Variants in PPFIBP1 observed in about 807,000 individuals in gnomAD.
PPFIBP1 encodes the protein PPFIB scaffold protein 1, also known as liprin-beta-1.
A neutral mutation model predicts 137.8 loss-of-function variants in PPFIBP1; 112 were observed. That is an observed-to-expected ratio of 0.81 (90% CI 0.70 to 0.95). PPFIBP1 has a LOEUF of 0.95. Among genes scored for constraint, PPFIBP1 ranks in the 40% least tolerant of loss-of-function variants. The pLI is 0.00. For missense variants in PPFIBP1, 1,083 were observed against 1,196.6 expected (o/e 0.91, Z 1.40); for synonymous variants, 378 against 417.3 (o/e 0.91, Z 1.15).
intron 2 of PPFIBP1, among the ~76,000 whole-genome samples, chr12:27,612,616 T>C (rs2055261658): frequency 6.6e-6 from 1 of 152,124 alleles, no homozygotes; most frequent in Non-Finnish European, 1.5e-5. Flanking sequence ...CCGAAAGTGC[T>C]GGAATTACAG....
chr12:27,534,861 T>G (rs1255635292), intron 1 of PPFIBP1, among the ~76,000 whole-genome samples: 1 of 152,230 alleles, frequency 6.6e-6, no homozygotes, highest in Non-Finnish European at 1.5e-5. Context: ...AGAAAGATCT[T>G]TAGTTGAAAA....
At chr12:27,580,481 T>G (rs1467909862) in intron 2 of PPFIBP1, among the ~76,000 whole-genome samples, 1 of 152,170 alleles carries the variant, frequency 6.6e-6, no homozygotes, top group Non-Finnish European at 1.5e-5. Context: ...CCCCCAAATC[T>G]GCTGTAACAA....
At chr12:27,552,180 T>C (rs1433511945) in intron 1 of PPFIBP1, among the ~76,000 whole-genome samples, 1 of 152,272 alleles carries the variant, frequency 6.6e-6, no homozygotes, top group Non-Finnish European at 1.5e-5. Flanking sequence ...CTCCGAGTTC[T>C]GTTGTCAATG....
chr12:27,655,852 ACTTC>A (rs1286339994), intron 8 of PPFIBP1, among the ~76,000 whole-genome samples: 13 of 152,336 alleles, frequency 8.5e-5, no homozygotes, highest in African/African-American at 2.6e-4. Flanking sequence ...ATAAAGCTGT[ACTTC>A]TTAGCATTGC....
intron 2 of PPFIBP1, among the ~76,000 whole-genome samples, chr12:27,595,886 A>AATATATAT (rs201970397): frequency 3.9e-5 from 4 of 102,436 alleles, no homozygotes; most frequent in Non-Finnish European, 6.6e-5. Flanking sequence ...ACAACAACAA[A>AATATATAT]ATATATATAT....
In PPFIBP1 at chr12:27,683,821, T is replaced by C. The variant is rs184285305; in HGVS notation, c.2247+1118T>C. Among the ~76,000 whole-genome samples the C allele has an allele frequency of 1.6e-3, 239 of 152,310 alleles. 7 individuals are homozygous for C. In the East Asian group the frequency reaches 0.043, roughly 27 times the overall value. On this transcript the variant is annotated intron_variant, in intron 24 of 29. Transcript: ENST00000228425. ...ATTTTATTTTGAGACGGAGTCTCGC[T>C]CTGTCGCCCAGGCTGGAGTGCAGTG...
At chr12:27,637,035 G>T (rs575464807) in intron 4 of PPFIBP1, 1 of 152,142 alleles carries the variant, frequency 6.6e-6, no homozygotes, top group Non-Finnish European at 1.5e-5. Context: ...GTGAGGCCTT[G>T]TATCACCACC....
chr12:27,680,508 A>C (rs529913383), intron 21 of PPFIBP1, among the ~76,000 whole-genome samples: 2 of 152,266 alleles, frequency 1.3e-5, no homozygotes, highest in Admixed American at 6.5e-5. Flanking sequence ...TCATCATCAT[A>C]ATTAGTACCT....
chr12:27,679,876 T>C, intron 20 of PPFIBP1, 57 bp from the exon 21 acceptor site: 1 of 1,594,062 alleles, frequency 6.3e-7, no homozygotes, highest in Non-Finnish European at 8.6e-7. Flanking sequence ...ATGTTCTGAT[T>C]AACAAGTCTA....
intron 4 of PPFIBP1, among the ~76,000 whole-genome samples, chr12:27,645,254 A>G (rs1409878465): frequency 6.6e-6 from 1 of 152,228 alleles, no homozygotes; most frequent in African/African-American, 2.4e-5. Flanking sequence ...TATGAGAGAC[A>G]CCACTTATGC....
chr12:27,607,197 G>A (rs10771350), intron 2 of PPFIBP1, among the ~76,000 whole-genome samples: 111,412 of 152,154 alleles, frequency 0.73, 41,390 homozygotes, highest in South Asian at 0.87. Flanking sequence ...ACATGCTAAC[G>A]TAACTTACAA....
chr12:27,638,860 G>C (rs1029850401), intron 4 of PPFIBP1, among the ~76,000 whole-genome samples: 1 of 151,820 alleles, frequency 6.6e-6, no homozygotes, highest in African/African-American at 2.4e-5. Flanking sequence ...AATAATAACA[G>C]ACATATAATT....
At chr12:27,568,808 T>C (rs1211576138) in intron 1 of PPFIBP1, among the ~76,000 whole-genome samples, 1 of 152,216 alleles carries the variant, frequency 6.6e-6, no homozygotes, top group Non-Finnish European at 1.5e-5. Flanking sequence ...CCAGGGATTT[T>C]TACTAAACTT....
At chr12:27,672,745 A>C (rs1266363911) in intron 15 of PPFIBP1, among the ~76,000 whole-genome samples, 1 of 152,130 alleles carries the variant, frequency 6.6e-6, no homozygotes, top group Admixed American at 6.6e-5. Flanking sequence ...GCCTTGCTTC[A>C]TCAGTTTTCA....
chr12:27,630,999 A>T (rs1487257326), intron 2 of PPFIBP1, among the ~76,000 whole-genome samples: 1 of 152,194 alleles, frequency 6.6e-6, no homozygotes, highest in African/African-American at 2.4e-5. Context: ...GAGCCCAGGA[A>T]TTCAAGACCA....
In PPFIBP1 at chr12:27,620,007, G is replaced by A. The variant is rs115146766; in HGVS notation, c.-35-13355G>A. 7.1e-3 allele frequency among the ~76,000 whole-genome samples: 1,077 copies of A among 151,752 alleles called. 14 individuals carry two copies. The highest frequency in any genetic ancestry group is 0.025 in the African/African-American group (1,050 of 41,318). ...ATACACGCACATATTTACTATGTGT[G>A]TATTCACACATACATACATAGCTAG... On this transcript the variant is annotated intron_variant, in intron 2 of 29. Transcript: ENST00000228425.
intron 13 of PPFIBP1, among the ~76,000 whole-genome samples, chr12:27,669,798 C>G (rs1378468029): frequency 6.6e-6 from 1 of 152,156 alleles, no homozygotes; most frequent in Non-Finnish European, 1.5e-5. Flanking sequence ...ATGAGACCAC[C>G]ACTGAATAAC....
intron 1 of PPFIBP1, among the ~76,000 whole-genome samples, chr12:27,558,799 C>T (rs948554451): frequency 3.3e-5 from 5 of 152,158 alleles, no homozygotes; most frequent in African/African-American, 1.2e-4. Context: ...ACTTACCTAA[C>T]CTAAACTTGC....
intron 8 of PPFIBP1, among the ~76,000 whole-genome samples, chr12:27,656,258 C>T (rs2059192170): frequency 6.6e-6 from 1 of 152,170 alleles, no homozygotes; most frequent in Admixed American, 6.6e-5. Flanking sequence ...GCTTTTATGA[C>T]ACTAAGTATC....
Sources: allele counts gnomAD v4.1 joint callset (sites outside exome capture counted in the v4.1 genomes callset), GRCh38; gene constraint gnomAD v4.1.1; transcripts MANE v1.5; gene names NCBI Gene and HGNC (gene_info 2026-07-23, HGNC 2026-07-21).